The following LRP1B variants were observed in gnomAD, a reference collection of about 807,000 sequenced individuals.
LRP1B encodes low-density lipoprotein receptor-related protein 1B.
Under a neutral mutation model 556.6 loss-of-function variants are expected in LRP1B, and 217 were observed. The observed-to-expected ratio is 0.39, with a 90% CI of 0.35 to 0.44. The LOEUF is 0.44. LRP1B is among the 20% of genes least tolerant of loss of function. LRP1B has a pLI of 1.00. For missense variants in LRP1B, 5,053 were observed against 5,620.8 expected, an observed-to-expected ratio of 0.90 and a Z score of 3.23; for synonymous variants, 2,047 against 1,865.8, an observed-to-expected ratio of 1.10 and a Z score of -2.50.
intron 43 of LRP1B, among the ~76,000 whole-genome samples, chr2:140,555,720 C>A (rs1318961613): frequency 6.6e-6 from 1 of 151,976 alleles, no homozygotes; most frequent in Non-Finnish European, 1.5e-5. Flanking sequence ...AATGGATTTT[C>A]ATTTGTAAAT....
chr2:141,222,078 A>G (rs1683069929), intron 6 of LRP1B, among the ~76,000 whole-genome samples: 2 of 152,188 alleles, frequency 1.3e-5, no homozygotes, highest in African/African-American at 4.8e-5. Flanking sequence ...AACCCAGATC[A>G]GAGTGGAACT....
intron 27 of LRP1B, among the ~76,000 whole-genome samples, chr2:140,866,676 G>A (rs1279945369): frequency 6.6e-6 from 1 of 152,112 alleles, no homozygotes; most frequent in African/African-American, 2.4e-5. Flanking sequence ...TGAGATTTTG[G>A]TAGAATAAAT....
intron 7 of LRP1B, among the ~76,000 whole-genome samples, chr2:141,103,522 T>TTCTTTCTCTCTCTCTCTCTCTCTC (rs1553460353): frequency 6.7e-6 from 1 of 149,026 alleles, no homozygotes; most frequent in Non-Finnish European, 1.5e-5. Flanking sequence ...AGCACACACA[T>TTCTTTCTCTCTCTCTCTCTCTCTC]TCTCTCTCTC....
intron 2 of LRP1B, among the ~76,000 whole-genome samples, chr2:141,629,616 C>A (rs998783633): frequency 1.2e-4 from 18 of 152,058 alleles, no homozygotes; most frequent in Non-Finnish European, 2.4e-4. Flanking sequence ...GTGATACTTG[C>A]CCTGAAAACA....
At chr2:141,812,499 A>T (rs562072773) in intron 1 of LRP1B, among the ~76,000 whole-genome samples, 1 of 152,202 alleles carries the variant, frequency 6.6e-6, no homozygotes, top group South Asian at 2.1e-4. Flanking sequence ...GGAGAGGGGA[A>T]ATGTCATTCC....
At chr2:142,096,433 A>T (rs962451999) in intron 1 of LRP1B, among the ~76,000 whole-genome samples, 4 of 141,652 alleles carry the variant, frequency 2.8e-5, no homozygotes, top group African/African-American at 1.0e-4. Context: ...CACGAAAATA[A>T]ATTGTATTTT....
intron 84 of LRP1B, among the ~76,000 whole-genome samples, chr2:140,282,007 A>G (rs1682935530): frequency 6.7e-6 from 1 of 150,100 alleles, no homozygotes; most frequent in African/African-American, 2.4e-5. Flanking sequence ...AGAAAAAAAA[A>G]TGGCCAGAAT....
intron 41 of LRP1B, among the ~76,000 whole-genome samples, chr2:140,658,821 A>T (rs970784546): frequency 6.6e-6 from 1 of 152,038 alleles, no homozygotes; most frequent in Admixed American, 6.6e-5. Context: ...CTATAAATCT[A>T]CTTACAGTGA....
chr2:140,382,298 T>C (rs1683547666), intron 67 of LRP1B, among the ~76,000 whole-genome samples: 1 of 152,212 alleles, frequency 6.6e-6, no homozygotes. Context: ...TAATTTTTAA[T>C]CACTTGTTAT....
chr2:141,560,429 G>A (rs1431526767), intron 2 of LRP1B, among the ~76,000 whole-genome samples: 11 of 151,770 alleles, frequency 7.2e-5, no homozygotes, highest in South Asian at 2.1e-4. Flanking sequence ...AACTCTCATG[G>A]AGAGTATATA....
Position 140,883,897 on chromosome 2 carries a change from T to C in LRP1B, c.4089A>G (p.Lys1363=), listed in dbSNP as rs1693553586. 1 of 1,613,638 alleles carries C rather than the reference T, an allele frequency of 6.2e-7. No homozygotes were observed. The highest frequency in any genetic ancestry group is 8.5e-7 in the Non-Finnish European group (1 of 1,179,910). ...DSNLDQIEVA[K]LDGSLRTTLI... is the part of the protein sequence containing the mutation. ...GTGTAGTTCTTAGGGAGCCATCTAG[T>C]TTGGCCACTTCGATTTGGTCCAGAT... The change falls in exon 25 of 91, where the codon AAA becomes AAG. Residue 1363 remains lysine (K), a synonymous_variant. Coordinates refer to ENST00000389484, the MANE Select transcript of LRP1B (RefSeq NM_018557.3).
At chr2:140,282,299 T>C (rs1682947648) in intron 84 of LRP1B, among the ~76,000 whole-genome samples, 1 of 151,774 alleles carries the variant, frequency 6.6e-6, no homozygotes, top group Non-Finnish European at 1.5e-5. Flanking sequence ...GCCAGGCACA[T>C]GGGTTTTTGG....
intron 29 of LRP1B, among the ~76,000 whole-genome samples, chr2:140,845,125 A>C (rs1353585231): frequency 6.6e-6 from 1 of 152,124 alleles, no homozygotes; most frequent in Non-Finnish European, 1.5e-5. Flanking sequence ...TCACTGGCAA[A>C]AAACAAACAA....
At chr2:141,815,290 A>AT (rs1696498840) in intron 1 of LRP1B, among the ~76,000 whole-genome samples, 2 of 152,208 alleles carry the variant, frequency 1.3e-5, no homozygotes. Flanking sequence ...TTCTCAAGGA[A>AT]CTGAGAAGCA....
chr2:140,346,276 A>G (rs1681680046), intron 77 of LRP1B, among the ~76,000 whole-genome samples: 1 of 151,830 alleles, frequency 6.6e-6, no homozygotes, highest in South Asian at 2.1e-4. Context: ...GTAGACTCAT[A>G]TAATAATTAT....
chr2:140,379,497 C>G (rs977555858), intron 67 of LRP1B, among the ~76,000 whole-genome samples: 5 of 152,102 alleles, frequency 3.3e-5, no homozygotes, highest in African/African-American at 1.2e-4. Context: ...GAGTTCAAGT[C>G]CAGCTTGGTC....
intron 84 of LRP1B, among the ~76,000 whole-genome samples, chr2:140,296,860 G>C (rs1306082781): frequency 6.6e-6 from 1 of 151,918 alleles, no homozygotes; most frequent in African/African-American, 2.4e-5. Context: ...TGGGATCAAA[G>C]AAAAAATATA....
intron 2 of LRP1B, among the ~76,000 whole-genome samples, chr2:141,690,404 T>A (rs199583034): frequency 0.14 from 2,785 of 20,248 alleles, 127 homozygotes; most frequent in East Asian, 0.23. Context: ...TAAATATATA[T>A]ATATATATAT....
chr2:140,886,076 G>A (rs1227284395), intron 24 of LRP1B, 62 bp downstream of exon 24: 1 of 1,041,646 alleles, frequency 9.6e-7, no homozygotes, highest in African/African-American at 1.6e-5. Context: ...GTTATAACGT[G>A]TTCTTTGAAT....
Sources: gnomAD v4.1 joint callset for allele counts (sites outside exome capture counted in the v4.1 genomes callset) on GRCh38, gnomAD v4.1.1 for gene constraint, MANE v1.5 for transcripts, NCBI Gene and HGNC (gene_info 2026-07-23, HGNC 2026-07-21) for gene names.